The following SLC35D4 variants were observed in gnomAD, a reference collection of about 807,000 sequenced individuals.
SLC35D4 encodes solute carrier family 35 member D4, also known as UDP-N-acetylglucosamine transporter SLC35D4.
chr18:23,324,478 A>G, the SLC35D4 span, among the ~76,000 whole-genome samples: 1 of 152,346 alleles, frequency 6.6e-6, no homozygotes, highest in Middle Eastern at 3.4e-3. Flanking sequence ...GAAAAAGGAA[A>G]AGGGCTTTGG....
the SLC35D4 span, among the ~76,000 whole-genome samples, chr18:23,245,376 T>A: frequency 6.6e-6 from 1 of 151,916 alleles, no homozygotes; most frequent in Non-Finnish European, 1.5e-5. Context: ...CCAGGCGTGG[T>A]GGCGTGCACC....
chr18:23,317,427 G>A, the SLC35D4 span, among the ~76,000 whole-genome samples: 3 of 152,040 alleles, frequency 2.0e-5, no homozygotes, highest in Non-Finnish European at 4.4e-5. Context: ...TCACTATCTC[G>A]ATCATCTTAT....
At chr18:23,243,275 G>C in the SLC35D4 span, among the ~76,000 whole-genome samples, 1 of 151,866 alleles carries the variant, frequency 6.6e-6, no homozygotes, top group East Asian at 1.9e-4. Flanking sequence ...CATCACATTA[G>C]AAGCACAGTA....
At chr18:23,290,165 C>T in the SLC35D4 span, among the ~76,000 whole-genome samples, 1 of 152,210 alleles carries the variant, frequency 6.6e-6, no homozygotes, top group Non-Finnish European at 1.5e-5. Context: ...AGTGCACCTT[C>T]CCTCCTGGCA....
chr18:23,408,454 G>A, the SLC35D4 span, among the ~76,000 whole-genome samples: 21 of 152,082 alleles, frequency 1.4e-4, no homozygotes, highest in Admixed American at 1.4e-3. Context: ...TGTTACAAGG[G>A]GAAAACAACA....
the SLC35D4 span, among the ~76,000 whole-genome samples, chr18:23,358,037 A>AT: frequency 6.6e-6 from 1 of 152,174 alleles, no homozygotes; most frequent in African/African-American, 2.4e-5. Flanking sequence ...CCCTTTCCCC[A>AT]TAGAAGTGAT....
the SLC35D4 span, among the ~76,000 whole-genome samples, chr18:23,295,778 A>C: frequency 6.6e-6 from 1 of 152,168 alleles, no homozygotes; most frequent in African/African-American, 2.4e-5. Flanking sequence ...GAGTATGGAC[A>C]AGGCGTATTT....
chr18:23,248,274 C>T, the SLC35D4 span, among the ~76,000 whole-genome samples: 14 of 152,174 alleles, frequency 9.2e-5, no homozygotes, highest in East Asian at 1.9e-4. Context: ...TCTCTGTCCC[C>T]GCCTTCACCG....
the SLC35D4 span, among the ~76,000 whole-genome samples, chr18:23,416,885 T>C: frequency 1.3e-5 from 2 of 152,218 alleles, no homozygotes; most frequent in Non-Finnish European, 2.9e-5. Context: ...GGACAACTTC[T>C]TGCAGGGAAG....
the SLC35D4 span, among the ~76,000 whole-genome samples, chr18:23,300,427 A>G: frequency 6.6e-6 from 1 of 152,056 alleles, no homozygotes; most frequent in African/African-American, 2.4e-5. Flanking sequence ...AATCCTCCTT[A>G]ATCACCAGGG....
the SLC35D4 span, among the ~76,000 whole-genome samples, chr18:23,369,513 A>C: frequency 6.6e-6 from 1 of 152,188 alleles, no homozygotes; most frequent in Non-Finnish European, 1.5e-5. Context: ...AAAGTAAGTC[A>C]AATTAGGACG....
At chr18:23,297,790 C>T in the SLC35D4 span, 2 of 535,960 alleles carry the variant, frequency 3.7e-6, no homozygotes, top group South Asian at 2.0e-5. Flanking sequence ...TGCAGACCCC[C>T]AGAAAGGGTG....
At chr18:23,285,372 C>T in the SLC35D4 span, among the ~76,000 whole-genome samples, 1 of 152,162 alleles carries the variant, frequency 6.6e-6, no homozygotes, top group Non-Finnish European at 1.5e-5. Context: ...CTTCAACTCT[C>T]GCCTGACCTA....
At chr18:23,361,367 C>A in the SLC35D4 span, among the ~76,000 whole-genome samples, 10 of 152,122 alleles carry the variant, frequency 6.6e-5, no homozygotes, top group Admixed American at 3.3e-4. Flanking sequence ...GAATAAAGTT[C>A]TGTTCTACCT....
chr18:23,420,874 A>C, the SLC35D4 span, among the ~76,000 whole-genome samples: 1 of 152,180 alleles, frequency 6.6e-6, no homozygotes, highest in Admixed American at 6.5e-5. Context: ...GGAAAATACT[A>C]TTTGAATTTT....
the SLC35D4 span, among the ~76,000 whole-genome samples, chr18:23,318,769 T>C: frequency 1.3e-5 from 2 of 152,228 alleles, no homozygotes; most frequent in Non-Finnish European, 2.9e-5. Flanking sequence ...ATTTGAGGAT[T>C]AGATCTAATA....
chr18:23,279,432 T>G, the SLC35D4 span, among the ~76,000 whole-genome samples: 2 of 152,222 alleles, frequency 1.3e-5, no homozygotes, highest in Non-Finnish European at 2.9e-5. Context: ...AGACTTCTGC[T>G]ACTGAGTGCT....
chr18:23,356,932 A>G, the SLC35D4 span, among the ~76,000 whole-genome samples: 1 of 152,184 alleles, frequency 6.6e-6, no homozygotes, highest in South Asian at 2.1e-4. The surrounding 1 kb of genome is among the most constrained non-coding windows in gnomAD (Gnocchi z 4.1). Flanking sequence ...ATCTCTTTCA[A>G]TCTTAGTAAC....
the SLC35D4 span, among the ~76,000 whole-genome samples, chr18:23,395,627 C>T: frequency 6.6e-6 from 1 of 152,364 alleles, no homozygotes; most frequent in African/African-American, 2.4e-5. Flanking sequence ...CCTCTCTCCA[C>T]CAAGCTCAGT....
Sources: allele counts gnomAD v4.1 joint callset (sites outside exome capture counted in the v4.1 genomes callset), GRCh38; gene constraint gnomAD v4.1.1; non-coding constraint Gnocchi (gnomAD v3.1); transcripts MANE v1.5; gene names NCBI Gene and HGNC (gene_info 2026-07-23, HGNC 2026-07-21).